The following IQSEC1 variants were observed in gnomAD, a reference collection of about 807,000 sequenced individuals.
IQSEC1 encodes IQ motif and Sec7 domain ArfGEF 1.
IQSEC1 carries 31 observed loss-of-function variants against 91.0 expected under a neutral mutation model. That is an observed-to-expected ratio of 0.34 (90% confidence interval 0.26 to 0.46). IQSEC1 has a LOEUF of 0.46. Ranked by LOEUF, IQSEC1 falls within the 20% of genes least tolerant of loss-of-function variation. The pLI is 1.00. For missense variants in IQSEC1, 1,388 were observed against 1,575.6 expected (o/e 0.88, Z 2.02); for synonymous variants, 699 against 662.6 (o/e 1.05, Z -0.84).
At chr3:12,931,412 C>T (rs1373363674) in intron 3 of IQSEC1, among the ~76,000 whole-genome samples, 1 of 152,230 alleles carries the variant, frequency 6.6e-6, no homozygotes, top group Non-Finnish European at 1.5e-5. Flanking sequence ...GAGCTTGGGC[C>T]TGGGCTCTCA....
intron 1 of IQSEC1, among the ~76,000 whole-genome samples, chr3:13,241,325 G>C (rs1695018379): frequency 1.3e-5 from 2 of 152,234 alleles, no homozygotes; most frequent in African/African-American, 4.8e-5. Flanking sequence ...AGCTTTCGAA[G>C]GACGACCTGG....
At position 13,073,159 on chromosome 3, in the gene IQSEC1, GGCTCCTCCAGGGAGGCT is replaced by G; in HGVS notation, c.-162_-146del. ...GCGAGTCACATTCCCGGGGGTGGCG[GGCTCCTCCAGGGAGGCT>G]GGGGCGGGAGCGGGGGGCGGCGCCA... On this transcript the variant is annotated 5_prime_UTR_variant, in exon 1 of 14. Transcript: ENST00000613206. 1 of 951,618 alleles carries G rather than the reference GGCTCCTCCAGGGAGGCT, an allele frequency of 1.1e-6. No individual in the cohort carries two copies. The highest frequency in any genetic ancestry group is 1.6e-6 in the Non-Finnish European group (1 of 625,376). The allele number at this position is 951,618 out of a possible 1,614,324, so 58.9% of individuals were successfully genotyped here. A position where few individuals can be genotyped will look rare whatever the true frequency, so the allele number is the denominator to read the frequency against.
rs115768402 is a variant in IQSEC1 at position 13,048,278 on chromosome 3, C to T, written c.23+24714G>A. On this transcript the variant is annotated intron_variant, in intron 1 of 13. Transcript: ENST00000613206. ...CTGCTCTGCCTGGCAGCACACCTCA[C>T]ATTCTGTGTCTTCAGGGCGTGGAGT... Among the ~76,000 whole-genome samples, 782 of 152,334 alleles carry T rather than the reference C, an allele frequency of 5.1e-3. 4 individuals carry two copies. Among genetic ancestry groups the T allele is most frequent in the African/African-American group, 0.017 (718 of 41,568 alleles).
intron 1 of IQSEC1, among the ~76,000 whole-genome samples, chr3:12,966,117 T>C (rs1257164218): frequency 1.3e-5 from 2 of 152,158 alleles, no homozygotes; most frequent in East Asian, 1.9e-4. Flanking sequence ...GTGTGGGATA[T>C]GAATAACATG....
intron 2 of IQSEC1, among the ~76,000 whole-genome samples, chr3:13,163,470 C>G (rs1441961278): frequency 1.3e-5 from 2 of 152,112 alleles, no homozygotes; most frequent in Non-Finnish European, 2.9e-5. Flanking sequence ...CTTCTTGGTC[C>G]CCCAGCTCAT....
intron 1 of IQSEC1, among the ~76,000 whole-genome samples, chr3:13,236,863 C>T (rs1041963549): frequency 2.0e-5 from 3 of 152,190 alleles, no homozygotes; most frequent in African/African-American, 7.2e-5. Flanking sequence ...ACCCAGGGTA[C>T]TTTGGGAAGG....
At chr3:13,040,468 T>C (rs1399295402) in intron 1 of IQSEC1, among the ~76,000 whole-genome samples, 1 of 152,202 alleles carries the variant, frequency 6.6e-6, no homozygotes, top group Non-Finnish European at 1.5e-5. Flanking sequence ...AGAACCTCCA[T>C]AGGTCAGGGG....
At chr3:13,043,722 C>A (rs185615615) in intron 1 of IQSEC1, among the ~76,000 whole-genome samples, 2 of 152,328 alleles carry the variant, frequency 1.3e-5, no homozygotes, top group East Asian at 3.9e-4. Context: ...ACTGGAGGAG[C>A]CTCGATAATC....
intron 1 of IQSEC1, among the ~76,000 whole-genome samples, chr3:13,230,522 C>G (rs1000339297): frequency 9.2e-5 from 14 of 152,210 alleles, no homozygotes; most frequent in Non-Finnish European, 2.1e-4. Context: ...TTGCCATGAG[C>G]TTTGCTCTTG....
At chr3:13,092,862 G>A (rs1705887899) in intron 2 of IQSEC1, among the ~76,000 whole-genome samples, 3 of 152,114 alleles carry the variant, frequency 2.0e-5, no homozygotes, top group Non-Finnish European at 2.9e-5. Context: ...CATCTCCAAG[G>A]CCGAACTTCT....
At position 13,135,717 on chromosome 3, in the gene IQSEC1, G is replaced by A. The variant is rs368406563; in HGVS notation, c.302+28387C>T. On this transcript the variant is annotated intron_variant, in intron 2 of 15. Coordinates refer to the IQSEC1 transcript ENST00000648114. ...CTGTGCACAGGACACTGGAGGGGAC[G>A]AGCCAGGGAATGAGAGCAGCTGCAG... is the stretch of plus-strand genomic sequence containing the variant. 3.3e-5 allele frequency among the ~76,000 whole-genome samples: 5 copies of A among 152,304 alleles called. No individual in the cohort carries two copies. The East Asian group carries it at 9.6e-4, about 29-fold the overall frequency.
chr3:13,061,205 T>G (rs1705057221), intron 1 of IQSEC1, among the ~76,000 whole-genome samples: 1 of 152,020 alleles, frequency 6.6e-6, no homozygotes, highest in Admixed American at 6.6e-5. Context: ...GATGGGGACA[T>G]GGGGACAGAG....
intron 1 of IQSEC1, among the ~76,000 whole-genome samples, chr3:13,216,578 G>A (rs9990097): frequency 0.2 from 30,350 of 152,134 alleles, 4,309 homozygotes; most frequent in African/African-American, 0.39. Context: ...CTGGGGACAG[G>A]GGGACCGCAG....
Position 12,936,043 on chromosome 3 carries a change from C to T in IQSEC1, c.973G>A (p.Ala325Thr), listed in dbSNP as rs372228887. The change falls in exon 3 of 14, where the codon GCA becomes ACA. Residue 325 changes from alanine to threonine, a missense_variant. Physicochemically the swap from Ala to Thr is moderately conservative, Grantham distance 58. Transcript: ENST00000613206. ...GCCAGGGCCCAGTAGTCTGGGGCTGCGCCCCCAGCCCGTAGCCGCAGGTCC... is the reference window on the plus strand; with the variant it reads ...GCCAGGGCCCAGTAGTCTGGGGCTGTGCCCCCAGCCCGTAGCCGCAGGTCC... Reference protein sequence around the residue: ...ESDLRLRAGGAAPDYWALAHK... With the variant: ...ESDLRLRAGGTAPDYWALAHK... 136 of 1,603,538 alleles carry T rather than the reference C, an allele frequency of 8.5e-5. No homozygotes were observed. The highest frequency in any genetic ancestry group is 1.7e-4 in the Middle Eastern group (1 of 5,910).
At chr3:13,009,908 T>A (rs1333540816) in intron 1 of IQSEC1, among the ~76,000 whole-genome samples, 1 of 152,148 alleles carries the variant, frequency 6.6e-6, no homozygotes, top group Non-Finnish European at 1.5e-5. Flanking sequence ...TCCCTAGGCA[T>A]CCTCTTCAAA....
At chr3:13,118,765 C>T (rs7644915) in intron 2 of IQSEC1, among the ~76,000 whole-genome samples, 5,778 of 152,210 alleles carry the variant, frequency 0.038, 163 homozygotes, top group African/African-American at 0.081. Context: ...ACGTACTTAA[C>T]GTCATGACAC....
intron 2 of IQSEC1, among the ~76,000 whole-genome samples, chr3:13,115,492 C>A (rs1262034400): frequency 6.6e-6 from 1 of 152,226 alleles, no homozygotes; most frequent in African/African-American, 2.4e-5. Flanking sequence ...TCTGCATGAG[C>A]CCCCTGATTT....
chr3:13,062,728 C>T (rs1182827867), intron 1 of IQSEC1, among the ~76,000 whole-genome samples: 3 of 152,080 alleles, frequency 2.0e-5, no homozygotes, highest in African/African-American at 7.2e-5. Context: ...GGGAGGAAAA[C>T]GCTCGGTGTT....
chr3:13,130,147 C>G (rs1706586637), intron 2 of IQSEC1, among the ~76,000 whole-genome samples: 1 of 150,238 alleles, frequency 6.7e-6, no homozygotes, highest in Non-Finnish European at 1.5e-5. Context: ...AGTTCGAGAA[C>G]AGCCTGGCCC....
Sources: gnomAD v4.1 joint callset for allele counts (sites outside exome capture counted in the v4.1 genomes callset) on GRCh38, gnomAD v4.1.1 for gene constraint, MANE v1.5 for transcripts, NCBI Gene and HGNC (gene_info 2026-07-23, HGNC 2026-07-21) for gene names.